Variants in MOB3B observed in about 807,000 individuals in gnomAD.
MOB3B encodes MOB kinase activator 3B.
A neutral mutation model predicts 18.7 loss-of-function variants in MOB3B; 7 were observed. The ratio of observed to expected loss-of-function variants is 0.37; its 90% CI spans 0.21 to 0.70. The LOEUF is 0.70. MOB3B is among the 30% of genes least tolerant of loss of function. The pLI, the probability that MOB3B is intolerant of heterozygous loss-of-function variation, is 0.52. For synonymous variants in MOB3B, 111 were observed against 99.9 expected (o/e 1.11, Z -0.66); for missense variants, 253 against 281.3 (o/e 0.90, Z 0.72).
rs1289046554 is a variant in MOB3B at position 27,328,617 on chromosome 9, G to A, written c.*1970C>T. On this transcript the variant is annotated 3_prime_UTR_variant, in exon 4 of 4. Transcript: ENST00000262244. ...CTCGATTATGCACTGCTGAAATGCA[G>A]GAACATATTCAACTTTTTAATGTAA... The A allele has an allele frequency of 6.6e-6, 1 of 152,160 alleles. No homozygotes were observed. The highest frequency in any genetic ancestry group is 1.5e-5 in the Non-Finnish European group (1 of 68,022). 9.4% of individuals were successfully genotyped at this position (152,160 alleles called of 1,614,324 possible).
chr9:27,381,455 G>A (rs1821576387), intron 2 of MOB3B, among the ~76,000 whole-genome samples: 1 of 152,050 alleles, frequency 6.6e-6, no homozygotes, highest in Non-Finnish European at 1.5e-5. Flanking sequence ...CATTTTCTGT[G>A]CTTCTTGGGA....
chr9:27,515,447 G>A (rs890100597), intron 1 of MOB3B, among the ~76,000 whole-genome samples: 1 of 152,180 alleles, frequency 6.6e-6, no homozygotes, highest in Non-Finnish European at 1.5e-5. Context: ...TCGCTCAATA[G>A]TTCCCAGTTT....
chr9:27,338,276 G>A (rs1352515009), intron 3 of MOB3B, among the ~76,000 whole-genome samples: 2 of 152,150 alleles, frequency 1.3e-5, no homozygotes, highest in African/African-American at 4.8e-5. Flanking sequence ...GAGCACTCCA[G>A]TTCCTCTTTC....
intron 2 of MOB3B, among the ~76,000 whole-genome samples, chr9:27,372,344 A>G (rs374265761): frequency 2.0e-5 from 3 of 152,358 alleles, no homozygotes; most frequent in East Asian, 3.9e-4. Flanking sequence ...GTTCACACTG[A>G]TATAAATAAA....
At chr9:27,463,791 T>C (rs1051622665) in intron 1 of MOB3B, among the ~76,000 whole-genome samples, 1 of 151,534 alleles carries the variant, frequency 6.6e-6, no homozygotes, top group Admixed American at 6.6e-5. Flanking sequence ...CAAAACCTCA[T>C]CTCTACAAAA....
At chr9:27,332,603 G>A (rs1234301734) in intron 3 of MOB3B, among the ~76,000 whole-genome samples, 2 of 152,190 alleles carry the variant, frequency 1.3e-5, no homozygotes, top group Non-Finnish European at 2.9e-5. Context: ...CAGTTTCAGA[G>A]CAGAAGCTAT....
At chr9:27,372,621 G>A (rs756298006) in intron 2 of MOB3B, among the ~76,000 whole-genome samples, 1 of 152,126 alleles carries the variant, frequency 6.6e-6, no homozygotes, top group Non-Finnish European at 1.5e-5. Context: ...CACTTCTGTG[G>A]TCTCCCTCCC....
intron 3 of MOB3B, among the ~76,000 whole-genome samples, chr9:27,340,425 G>A (rs1054553975): frequency 4.6e-5 from 7 of 152,204 alleles, no homozygotes; most frequent in Admixed American, 2.0e-4. Flanking sequence ...AGACAGAGCT[G>A]CACATTTTTG....
intron 1 of MOB3B, among the ~76,000 whole-genome samples, chr9:27,506,832 A>ATTTTTTTTTTTTTTT (rs71492749): frequency 2.5e-5 from 3 of 120,510 alleles, no homozygotes; most frequent in Non-Finnish European, 3.4e-5. Flanking sequence ...ACCCCGGCTA[A>ATTTTTTTTTTTTTTT]TTTTTTTTTT....
At chr9:27,388,795 C>T (rs926387052) in intron 2 of MOB3B, among the ~76,000 whole-genome samples, 2 of 152,164 alleles carry the variant, frequency 1.3e-5, no homozygotes, top group African/African-American at 4.8e-5. Context: ...TGGCCATCTC[C>T]CTTTCTCAAG....
chr9:27,367,967 G>A (rs1821362453), intron 2 of MOB3B, among the ~76,000 whole-genome samples: 1 of 152,042 alleles, frequency 6.6e-6, no homozygotes, highest in African/African-American at 2.4e-5. Flanking sequence ...ATGTCTGAGG[G>A]CATTTGTGCT....
intron 2 of MOB3B, among the ~76,000 whole-genome samples, chr9:27,382,320 T>A (rs1436249405): frequency 1.3e-5 from 2 of 152,102 alleles, no homozygotes; most frequent in Non-Finnish European, 2.9e-5. Flanking sequence ...AGATATCAGA[T>A]CGATTCTCTT....
intron 1 of MOB3B, among the ~76,000 whole-genome samples, chr9:27,474,868 A>C (rs146547084): frequency 1.1e-4 from 16 of 152,330 alleles, no homozygotes; most frequent in African/African-American, 3.1e-4. Context: ...ATCAAAACAC[A>C]AATGTATTGG....
chr9:27,355,768 T>A (rs1821180778), intron 3 of MOB3B, among the ~76,000 whole-genome samples: 1 of 152,112 alleles, frequency 6.6e-6, no homozygotes, highest in Non-Finnish European at 1.5e-5. Context: ...TTCACCGTGT[T>A]AGCCAGGATG....
rs999654790 is a variant in MOB3B, at chr9:27,395,861, T to C, written c.419-36625A>G. Among the ~76,000 whole-genome samples, 7 of 152,276 alleles carry C rather than the reference T, an allele frequency of 4.6e-5. No individual in the cohort carries two copies. The East Asian group carries it at 5.8e-4, about 13-fold the overall frequency. ...GGCATCTACACAATGGAGATAACAATAGGACTCGTTCAAGGAGCACTTGCA... is the reference window on the plus strand; with the variant it reads ...GGCATCTACACAATGGAGATAACAACAGGACTCGTTCAAGGAGCACTTGCA... On this transcript the variant is annotated intron_variant, in intron 2 of 3. Transcript: ENST00000262244.
At chr9:27,468,867 A>G (rs907059545) in intron 1 of MOB3B, among the ~76,000 whole-genome samples, 1 of 152,246 alleles carries the variant, frequency 6.6e-6, no homozygotes, top group Non-Finnish European at 1.5e-5. Flanking sequence ...GCAAAGATCA[A>G]CAGTGGCTAC....
intron 1 of MOB3B, among the ~76,000 whole-genome samples, chr9:27,501,963 T>C (rs1819998855): frequency 6.6e-6 from 1 of 152,172 alleles, no homozygotes; most frequent in African/African-American, 2.4e-5. Flanking sequence ...CTTGATGCTC[T>C]TTCAGGAAAA....
intron 3 of MOB3B, among the ~76,000 whole-genome samples, chr9:27,335,222 C>T (rs768294814): frequency 1.7e-4 from 26 of 152,154 alleles, no homozygotes; most frequent in Non-Finnish European, 2.2e-4. Flanking sequence ...ATGAAACAAG[C>T]GCCAAAAAGC....
rs144163829 is a variant in MOB3B, at chr9:27,436,035, CACGTCAGG to C, written c.418+19090_418+19097del. Reference sequence around the variant, plus strand: ...TCCTTCAGGGATGCCTCAGTTTTCTCACGTCAGGACCTTTGTAGCTGTTGTTCTACCCC... The same window carrying C: ...TCCTTCAGGGATGCCTCAGTTTTCTCACCTTTGTAGCTGTTGTTCTACCCC... On this transcript the variant is annotated intron_variant, in intron 2 of 3. Transcript: ENST00000262244. Among the ~76,000 whole-genome samples the C allele has an allele frequency of 9.0e-3, 1,368 of 152,234 alleles. 60 individuals are homozygous for C. The highest frequency in any genetic ancestry group is 0.068 in the Admixed American group (1,039 of 15,268).
Sources: gnomAD v4.1 joint callset for allele counts (sites outside exome capture counted in the v4.1 genomes callset) on GRCh38, gnomAD v4.1.1 for gene constraint, MANE v1.5 for transcripts, NCBI Gene and HGNC (gene_info 2026-07-23, HGNC 2026-07-21) for gene names.